Variants in MVB12B observed in about 807,000 individuals in gnomAD.
The protein encoded by MVB12B is ESCRT-I complex subunit MVB12B.
A neutral mutation model predicts 41.6 loss-of-function variants in MVB12B; 16 were observed. The observed-to-expected ratio is 0.38, with a 90% confidence interval of 0.26 to 0.58. The LOEUF is 0.58. Ranked by LOEUF, MVB12B falls within the 20% of genes least tolerant of loss-of-function variation. The probability of loss-of-function intolerance (pLI) is 0.62; values close to 1 mark genes in which losing one functional copy is unlikely to be tolerated. For missense variants in MVB12B, 274 were observed against 380.2 expected (o/e 0.72, Z 2.32); for synonymous variants, 133 against 139.7 (o/e 0.95, Z 0.34).
chr9:126,421,188 T>G (rs1445631646), intron 6 of MVB12B, among the ~76,000 whole-genome samples: 2 of 152,226 alleles, frequency 1.3e-5, no homozygotes, highest in Non-Finnish European at 2.9e-5. Flanking sequence ...AGGCTGAGTG[T>G]TCTTTGTGAG....
At position 126,503,373 on chromosome 9, in the gene MVB12B, C is replaced by T; in HGVS notation, c.*110C>T. 1.1e-6 allele frequency: 1 copy of T among 883,686 alleles called. No individual in the cohort carries two copies. Among genetic ancestry groups the T allele is most frequent in the Non-Finnish European group, 1.7e-6 (1 of 577,096 alleles). 54.7% of individuals were successfully genotyped at this position (883,686 alleles called of 1,614,324 possible). ...TCCGCCAGCCCTCCCTCCCACACTG[C>T]CCCAGCAGGGCTGGCCCGGAGACTG... On this transcript the variant is annotated 3_prime_UTR_variant, in exon 10 of 10. Coordinates refer to ENST00000361171, the MANE Select transcript of MVB12B (RefSeq NM_033446.3).
chr9:126,414,754 A>G (rs1180712021), intron 6 of MVB12B, among the ~76,000 whole-genome samples: 1 of 152,114 alleles, frequency 6.6e-6, no homozygotes, highest in Non-Finnish European at 1.5e-5. Context: ...CGGGCCCACT[A>G]AAATGACTCC....
At chr9:126,432,494 A>G (rs758970) in intron 7 of MVB12B, among the ~76,000 whole-genome samples, 88,480 of 152,198 alleles carry the variant, frequency 0.58, 26,004 homozygotes, top group East Asian at 0.69. Context: ...ATTGAAACAC[A>G]TTTAGTTGTT....
chr9:126,501,599 GCTGTGGACATGGCGCTAGT>G (rs916469165), intron 9 of MVB12B, among the ~76,000 whole-genome samples: 7 of 152,322 alleles, frequency 4.6e-5, no homozygotes, highest in Middle Eastern at 3.4e-3. Flanking sequence ...CTGGGCTTTG[GCTGTGGACATGGCGCTAGT>G]CTGTGGCCAT....
chr9:126,477,983 TGGAA>T (rs1564345322), intron 7 of MVB12B, among the ~76,000 whole-genome samples: 2 of 152,084 alleles, frequency 1.3e-5, no homozygotes, highest in African/African-American at 4.8e-5. Context: ...GATCATCAGT[TGGAA>T]GGAGAAAGAA....
rs375283399 is a variant in MVB12B, at chr9:126,429,301, C to T, written c.757+7353C>T. 2.0e-4 allele frequency among the ~76,000 whole-genome samples: 30 copies of T among 152,146 alleles called. No individual in the cohort carries two copies. In the South Asian group the frequency reaches 3.1e-3, roughly 16 times the overall value. Reference sequence around the variant, plus strand: ...AAGAAAAAGAAGAAATGAATGGGAGCGGATGGGGAATTGATCGCATGGTGT... The same window carrying T: ...AAGAAAAAGAAGAAATGAATGGGAGTGGATGGGGAATTGATCGCATGGTGT... On this transcript the variant is annotated intron_variant, in intron 7 of 9. Transcript: ENST00000361171.
At chr9:126,381,018 C>G in intron 2 of MVB12B, 46 bp from the exon 3 acceptor site, 1 of 1,537,334 alleles carries the variant, frequency 6.5e-7, no homozygotes, top group Non-Finnish European at 9.0e-7. Context: ...ACCTTCAGTT[C>G]CTTCCTGCCT....
chr9:126,453,213 G>T (rs1205340634), intron 7 of MVB12B, among the ~76,000 whole-genome samples: 2 of 152,150 alleles, frequency 1.3e-5, no homozygotes, highest in Non-Finnish European at 2.9e-5. Context: ...ATCTATTTTT[G>T]CCAGAAAACC....
At chr9:126,474,576 C>T (rs535021607) in intron 7 of MVB12B, among the ~76,000 whole-genome samples, 2 of 152,336 alleles carry the variant, frequency 1.3e-5, no homozygotes, top group South Asian at 4.1e-4. Flanking sequence ...CAAAATCCCT[C>T]CCTAGCTCCC....
At position 126,503,421 on chromosome 9, in the gene MVB12B, G is replaced by A; in HGVS notation, c.*158G>A. 4.8e-6 allele frequency: 3 copies of A among 626,810 alleles called. No individual in the cohort carries two copies. Among genetic ancestry groups the A allele is most frequent in the Middle Eastern group, 4.2e-4 (1 of 2,368 alleles). 38.8% of individuals were successfully genotyped at this position (626,810 alleles called of 1,614,324 possible). Reference sequence around the variant, plus strand: ...CTGGGCAGCTAAGTGGGCGCATCCTGTCTTCAGCTGGCCTCACTGACACCC... The same window carrying A: ...CTGGGCAGCTAAGTGGGCGCATCCTATCTTCAGCTGGCCTCACTGACACCC... On this transcript the variant is annotated 3_prime_UTR_variant, in exon 10 of 10. Transcript: ENST00000361171.
chr9:126,432,114 C>G (rs1192257743), intron 7 of MVB12B, among the ~76,000 whole-genome samples: 1 of 152,208 alleles, frequency 6.6e-6, no homozygotes, highest in Non-Finnish European at 1.5e-5. Flanking sequence ...TGTAACGTTC[C>G]TAAACACATG....
chr9:126,446,938 C>CT lies in MVB12B; in HGVS notation c.757+25009dup, dbSNP rs33991689. Among the ~76,000 whole-genome samples the CT allele has an allele frequency of 1.5e-3, 156 of 104,324 alleles. 2 individuals carry two copies. Among genetic ancestry groups the CT allele is most frequent in the Non-Finnish European group, 1.7e-3 (95 of 55,272 alleles). The allele number at this position is 104,324 out of a possible 152,430, so 68.4% of individuals were successfully genotyped here. ...TGTATTAGTTCTTTTTTTTAACTTT[C>CT]TTTTTTTTTTTTTTTTTTTCCTTTG... is the stretch of plus-strand genomic sequence containing the variant. On this transcript the variant is annotated intron_variant, in intron 7 of 9. Transcript: ENST00000361171.
chr9:126,376,322 G>A lies in MVB12B; in HGVS notation c.205-4742G>A, dbSNP rs564449710. The A allele has an allele frequency of 1.0e-3, 381 of 373,940 alleles. 6 individuals are homozygous for A. The highest frequency in any genetic ancestry group is 7.2e-3 in the South Asian group (364 of 50,534). The allele number at this position is 373,940 out of a possible 1,614,324, so 23.2% of individuals were successfully genotyped here. A position where few individuals can be genotyped will look rare whatever the true frequency, so the allele number is the denominator to read the frequency against. On this transcript the variant is annotated intron_variant, in intron 2 of 9. Transcript: ENST00000361171. The surrounding 1 kb of genome is among the most constrained non-coding windows in gnomAD (Gnocchi z 4.1). ...CAGACTGGGTTCTCTGTCCTGAGCC[G>A]GCACTGTTTCCCCCTATTCTCTTTG...
At chr9:126,390,444 G>A (rs77601176) in intron 4 of MVB12B, among the ~76,000 whole-genome samples, 2,537 of 152,294 alleles carry the variant, frequency 0.017, 39 homozygotes, top group African/African-American at 0.041. Flanking sequence ...TTAAATGGCC[G>A]CAGTTGGTTG....
Position 126,395,767 on chromosome 9 carries a change from A to G in MVB12B, c.662+70A>G. On this transcript the variant is annotated intron_variant, in intron 6 of 9. Transcript: ENST00000361171. The surrounding 1 kb of genome is among the most constrained non-coding windows in gnomAD (Gnocchi z 4.9). ...TCCCTGCACAACATTTTAGAACACC[A>G]CCACTTAGTGTCTGCTGAAATACTG... is the stretch of plus-strand genomic sequence containing the variant. 6.3e-7 allele frequency: 1 copy of G among 1,589,560 alleles called. No homozygotes were observed. The highest frequency in any genetic ancestry group is 8.6e-7 in the Non-Finnish European group (1 of 1,167,660).
intron 2 of MVB12B, among the ~76,000 whole-genome samples, chr9:126,344,553 C>T (rs1434329323): frequency 6.6e-6 from 1 of 152,224 alleles, no homozygotes; most frequent in Non-Finnish European, 1.5e-5. Context: ...TGTCCCATGG[C>T]TGGGTTCAGC....
intron 9 of MVB12B, among the ~76,000 whole-genome samples, chr9:126,494,875 C>G (rs867139149): frequency 4.3e-4 from 66 of 151,812 alleles, no homozygotes; most frequent in Non-Finnish European, 6.2e-4. Flanking sequence ...CCCACCCCCC[C>G]CCAGGGTTGT....
intron 7 of MVB12B, among the ~76,000 whole-genome samples, chr9:126,463,734 G>A (rs1452553721): frequency 6.6e-6 from 1 of 152,200 alleles, no homozygotes. Flanking sequence ...TCTCTTGAGG[G>A]TGCTCAGGTC....
At chr9:126,415,345 T>C (rs1831784838) in intron 6 of MVB12B, among the ~76,000 whole-genome samples, 1 of 152,196 alleles carries the variant, frequency 6.6e-6, no homozygotes, top group Non-Finnish European at 1.5e-5. Context: ...CCATAGACAC[T>C]GGATGCTGTG....
Sources: gnomAD v4.1 joint callset for allele counts (sites outside exome capture counted in the v4.1 genomes callset) on GRCh38, gnomAD v4.1.1 for gene constraint, Gnocchi (gnomAD v3.1) non-coding constraint, MANE v1.5 for transcripts, NCBI Gene and HGNC (gene_info 2026-07-23, HGNC 2026-07-21) for gene names.